LMO7: variants seen among roughly 807,000 people sequenced by gnomAD.
The protein encoded by LMO7 is LIM domain only protein 7.
A neutral mutation model predicts 206.5 loss-of-function variants in LMO7; 120 were observed. The ratio of observed to expected loss-of-function variants is 0.58; its 90% CI spans 0.50 to 0.68. The LOEUF (loss-of-function observed/expected upper bound fraction) is 0.68, where lower values mean the gene tolerates loss of function less well. Among genes scored for constraint, LMO7 ranks in the 30% least tolerant of loss-of-function variants. The pLI is 0.00. For synonymous variants in LMO7, 706 were observed against 681.5 expected (o/e 1.04, Z -0.56); for missense variants, 1,959 against 1,957.9 (o/e 1.00, Z -0.01).
chr13:75,753,950 C>T (rs1206250700), intron 3 of LMO7, among the ~76,000 whole-genome samples: 1 of 152,070 alleles, frequency 6.6e-6, no homozygotes. Flanking sequence ...GGCTTCAGCA[C>T]TATATAGTTC....
chr13:75,650,680 G>T (rs1316776253), intron 1 of LMO7, among the ~76,000 whole-genome samples: 2 of 152,058 alleles, frequency 1.3e-5, no homozygotes, highest in South Asian at 2.1e-4. Flanking sequence ...GATTAGAATT[G>T]GTTTATAGAT....
intron 1 of LMO7, among the ~76,000 whole-genome samples, chr13:75,652,768 C>G (rs533088834): frequency 7.3e-4 from 111 of 152,010 alleles, no homozygotes; most frequent in Non-Finnish European, 1.2e-3. Context: ...CTTTATTAAA[C>G]TTAAAAAAAC....
intron 26 of LMO7, among the ~76,000 whole-genome samples, chr13:75,848,775 G>T (rs1327795833): frequency 1.3e-5 from 2 of 152,196 alleles, no homozygotes; most frequent in Non-Finnish European, 2.9e-5. Flanking sequence ...TGGATACCCA[G>T]TGGTGGGATT....
chr13:75,768,097 A>G (rs2049136450), intron 4 of LMO7, among the ~76,000 whole-genome samples: 1 of 152,068 alleles, frequency 6.6e-6, no homozygotes, highest in Non-Finnish European at 1.5e-5. Context: ...GCCTGTATAT[A>G]GTAAGTGCTC....
chr13:75,687,999 T>C (rs1289720074), intron 1 of LMO7, among the ~76,000 whole-genome samples: 4 of 152,168 alleles, frequency 2.6e-5, no homozygotes. Flanking sequence ...TCACGAGATC[T>C]GATGGTTTTA....
chr13:75,653,987 G>A (rs1045760729), intron 1 of LMO7, among the ~76,000 whole-genome samples: 4 of 152,188 alleles, frequency 2.6e-5, no homozygotes, highest in Non-Finnish European at 5.9e-5. Flanking sequence ...GATAAAGAGT[G>A]TAATTAAATC....
chr13:75,623,694 G>T (rs1417488283), intron 2 of LMO7, among the ~76,000 whole-genome samples: 1 of 151,790 alleles, frequency 6.6e-6, no homozygotes, highest in Admixed American at 6.6e-5. Context: ...AATTAAATTG[G>T]TAATTTATTT....
At chr13:75,795,515 C>G in intron 5 of LMO7, 84 bp downstream of exon 5, 1 of 876,196 alleles carries the variant, frequency 1.1e-6, no homozygotes, top group Non-Finnish European at 1.8e-6. Flanking sequence ...TAAAAGTATA[C>G]TCTACATCTC....
intron 2 of LMO7, among the ~76,000 whole-genome samples, chr13:75,629,282 A>G (rs74881266): frequency 1.1e-3 from 171 of 152,328 alleles, no homozygotes; most frequent in African/African-American, 3.9e-3. Flanking sequence ...TAGGTTTTAC[A>G]TATACACACT....
Position 75,823,880 on chromosome 13 carries a change from T to G in LMO7, c.2949+7T>G. The G allele has an allele frequency of 6.2e-7, 1 of 1,610,792 alleles. No individual in the cohort carries two copies. Among genetic ancestry groups the G allele is most frequent in the Non-Finnish European group, 8.5e-7 (1 of 1,177,474 alleles). On this transcript the variant is annotated splice_region_variant and intron_variant, in intron 15 of 30. Coordinates refer to ENST00000377534, the MANE Select transcript of LMO7 (RefSeq NM_001306080.2). ...AGAAGTCTCAAGATCCCAGGTGAGT[T>G]TGGAAAAGTTCTTTATCATCTGTGG... is the stretch of plus-strand genomic sequence containing the variant.
intron 1 of LMO7, among the ~76,000 whole-genome samples, chr13:75,704,594 C>A (rs1370042930): frequency 1.3e-5 from 2 of 152,278 alleles, no homozygotes; most frequent in East Asian, 3.9e-4. Flanking sequence ...TTCTAGGCAC[C>A]TTTTAAATGG....
chr13:75,644,472 G>A (rs918092923), intron 1 of LMO7, among the ~76,000 whole-genome samples: 15 of 152,094 alleles, frequency 9.9e-5, no homozygotes, highest in Non-Finnish European at 7.4e-5. Flanking sequence ...TGGGCTCTCC[G>A]TCCTTGTTCC....
chr13:75,746,213 A>G (rs2046827541), intron 3 of LMO7, among the ~76,000 whole-genome samples: 1 of 152,130 alleles, frequency 6.6e-6, no homozygotes, highest in African/African-American at 2.4e-5. Context: ...GGTAGGGGAA[A>G]ATCAAGAGAG....
At chr13:75,829,993 A>T (rs1218775565) in intron 15 of LMO7, among the ~76,000 whole-genome samples, 1 of 152,122 alleles carries the variant, frequency 6.6e-6, no homozygotes, top group African/African-American at 2.4e-5. Context: ...CCACTTGGAT[A>T]GTTCATTATC....
chr13:75,737,957 G>A (rs2046083335), intron 3 of LMO7, among the ~76,000 whole-genome samples: 1 of 150,750 alleles, frequency 6.6e-6, no homozygotes, highest in Non-Finnish European at 1.5e-5. Context: ...TTCCCAAAGA[G>A]GAATCTGAAT....
chr13:75,644,139 G>T (rs903862289), intron 1 of LMO7, among the ~76,000 whole-genome samples: 1 of 148,094 alleles, frequency 6.8e-6, no homozygotes, highest in Non-Finnish European at 1.5e-5. Flanking sequence ...CTAGTGAAGT[G>T]TTTTTTTTTT....
intron 1 of LMO7, among the ~76,000 whole-genome samples, chr13:75,645,858 A>G (rs549190803): frequency 2.2e-4 from 33 of 152,302 alleles, no homozygotes; most frequent in African/African-American, 7.7e-4. Flanking sequence ...ACATCCAAGG[A>G]CTCATCTTCC....
intron 3 of LMO7, among the ~76,000 whole-genome samples, chr13:75,750,118 G>T (rs1429391288): frequency 2.0e-5 from 3 of 151,640 alleles, no homozygotes; most frequent in African/African-American, 7.3e-5. Flanking sequence ...AATAGAAACG[G>T]TATAATTAAA....
chr13:75,814,570 C>T (rs573770819), intron 11 of LMO7, among the ~76,000 whole-genome samples: 5 of 152,264 alleles, frequency 3.3e-5, no homozygotes, highest in Admixed American at 2.0e-4. Context: ...ACACATTTAT[C>T]GGGCACCTAC....
Sources: gnomAD v4.1 joint callset for allele counts (sites outside exome capture counted in the v4.1 genomes callset) on GRCh38, gnomAD v4.1.1 for gene constraint, MANE v1.5 for transcripts, NCBI Gene and HGNC (gene_info 2026-07-23, HGNC 2026-07-21) for gene names.